The following SKA3 variants were observed in gnomAD, a reference collection of about 807,000 sequenced individuals.
SKA3 encodes the protein spindle and kinetochore associated complex subunit 3.
SKA3 carries 39 observed loss-of-function variants against 44.2 expected under a neutral mutation model. The ratio of observed to expected loss-of-function variants is 0.88; its 90% CI spans 0.68 to 1.15. SKA3 has a LOEUF of 1.15. Ranked by LOEUF, SKA3 falls within the 50% of genes most tolerant of loss-of-function variation. The pLI is 0.00. For synonymous variants in SKA3, 192 were observed against 172.0 expected, an observed-to-expected ratio of 1.12 and a Z score of -0.91; for missense variants, 511 against 485.8, an observed-to-expected ratio of 1.05 and a Z score of -0.49.
At chr13:21,159,261 G>A (rs1870303413) in intron 6 of SKA3, among the ~76,000 whole-genome samples, 1 of 152,086 alleles carries the variant, frequency 6.6e-6, no homozygotes. Context: ...TATAGCATTG[G>A]TTAAGTGACC....
chr13:21,167,541 C>T (rs1221391113), intron 4 of SKA3, among the ~76,000 whole-genome samples: 1 of 151,976 alleles, frequency 6.6e-6, no homozygotes, highest in East Asian at 1.9e-4. Context: ...CCCAGGCGGG[C>T]GGATCATGAG....
intron 1 of SKA3, among the ~76,000 whole-genome samples, chr13:21,173,625 CA>C (rs60622200): frequency 0.9 from 137,309 of 152,228 alleles, 62,475 homozygotes; most frequent in East Asian, 1. Context: ...TGGACTCAAA[CA>C]ATATGTACTC....
intron 4 of SKA3, among the ~76,000 whole-genome samples, chr13:21,167,641 C>A (rs1870783736): frequency 6.6e-6 from 1 of 151,948 alleles, no homozygotes; most frequent in South Asian, 2.1e-4. Flanking sequence ...GTGGCTGGCG[C>A]CTGTATTCCC....
At chr13:21,167,235 T>C (rs570237856) in intron 4 of SKA3, among the ~76,000 whole-genome samples, 1 of 152,330 alleles carries the variant, frequency 6.6e-6, no homozygotes, top group African/African-American at 2.4e-5. Flanking sequence ...AAACAGAAAC[T>C]TGGGGTTTAT....
chr13:21,156,714 T>A (rs934269403), intron 7 of SKA3, among the ~76,000 whole-genome samples: 8 of 152,250 alleles, frequency 5.3e-5, no homozygotes, highest in Admixed American at 4.6e-4. Context: ...AAGTGATTTA[T>A]CCTTCTCATG....
At position 21,168,327 on chromosome 13, in the gene SKA3, T is replaced by C. The variant is rs1219367812; in HGVS notation, c.404A>G (p.Lys135Arg). 4.3e-6 allele frequency: 7 copies of C among 1,613,976 alleles called. No individual in the cohort carries two copies. In the African/African-American group the frequency reaches 9.3e-5, roughly 22 times the overall value. The stretch of plus-strand genomic sequence containing the variant: ...AACAGGAGGATCAGACAGATCATCT[T>C]TCACATCAGTCTTCTGAAAATTTTC... The part of the protein sequence containing the change: ...NCENFQKTDV[K>R]DDLSDPPVAS... The change falls in exon 4 of 9, where the codon AAA (lysine) becomes AGA (arginine). Residue 135 changes from lysine to arginine, a missense_variant. Lys to Arg is a conservative substitution (Grantham distance 26, BLOSUM62 2). Coordinates refer to ENST00000314759, the MANE Select transcript of SKA3 (RefSeq NM_145061.6).
chr13:21,160,742 G>A (rs879770695), intron 5 of SKA3, among the ~76,000 whole-genome samples: 2 of 152,074 alleles, frequency 1.3e-5, no homozygotes, highest in African/African-American at 2.4e-5. Context: ...TGAGAAACAC[G>A]CATATGCACA....
intron 8 of SKA3, among the ~76,000 whole-genome samples, chr13:21,155,457 AGTGCAGTGG>A (rs1438813444): frequency 4.7e-5 from 7 of 148,888 alleles, no homozygotes; most frequent in Non-Finnish European, 8.9e-5. Flanking sequence ...GCCAGGCTGG[AGTGCAGTGG>A]CATGATCTTG....
chr13:21,172,662 C>T lies in SKA3; in HGVS notation c.123G>A (p.Met41Ile), dbSNP rs1261575689. ...CTGAATGAAGGTCATATAAAATTCT[C>T]ATTGGATAATCTTCAAAGTCTTCAA... is the stretch of plus-strand genomic sequence containing the variant. The part of the protein sequence containing the change: ...GEESDFEDYP[M>I]RILYDLHSEV... The change falls in exon 2 of 9, where the codon ATG becomes ATA. Residue 41 changes from methionine to isoleucine, a missense_variant. Coordinates refer to ENST00000314759, the MANE Select transcript of SKA3 (RefSeq NM_145061.6). 5.1e-6 allele frequency: 8 copies of T among 1,580,068 alleles called. No individual in the cohort carries two copies. The African/African-American group carries it at 6.8e-5, about 13-fold the overall frequency.
In SKA3 at chr13:21,155,150, T is replaced by C. The variant is rs1595294765; in HGVS notation, c.1239A>G (p.Ter413TrpextTer11). ...TGTGTTGGATAGATCCACTGGAATT[T>C]CTGCAACAGATACAAATAACAAATA... ...NIRDVSNKEN[*>W] is the part of the protein sequence containing the mutation. Residue 413 changes from the stop codon to tryptophan (W), a stop_lost and splice_region_variant, in exon 9 of 9, where the codon TGA becomes TGG. Transcript: ENST00000314759. The C allele has an allele frequency of 3.7e-6, 6 of 1,611,288 alleles. No homozygotes were observed. The East Asian group carries it at 1.3e-4, about 36-fold the overall frequency.
chr13:21,175,840 AAC>A (rs968461643), intron 1 of SKA3, among the ~76,000 whole-genome samples: 6 of 152,150 alleles, frequency 3.9e-5, no homozygotes, highest in African/African-American at 4.8e-5. Context: ...TAGCGGGAAA[AAC>A]ACAGAGGTTT....
intron 1 of SKA3, among the ~76,000 whole-genome samples, chr13:21,176,030 T>G (rs1445146114): frequency 6.6e-6 from 1 of 152,222 alleles, no homozygotes; most frequent in Non-Finnish European, 1.5e-5. Context: ...GTATATGTAT[T>G]ATGAGCTCAA....
At chr13:21,173,144 A>T (rs1871166207) in intron 1 of SKA3, among the ~76,000 whole-genome samples, 1 of 143,412 alleles carries the variant, frequency 7.0e-6, no homozygotes, top group Non-Finnish European at 1.5e-5. Flanking sequence ...TAAAATGAGC[A>T]TACCTGCACA....
Position 21,154,999 on chromosome 13 carries a change from C to G in SKA3, c.*151G>C. 7.8e-7 allele frequency: 1 copy of G among 1,276,754 alleles called. No homozygotes were observed. The highest frequency in any genetic ancestry group is 1.5e-5 in the African/African-American group (1 of 65,904). The allele number at this position is 1,276,754 out of a possible 1,614,324, so 79.1% of individuals were successfully genotyped here. A position where few individuals can be genotyped will look rare whatever the true frequency, so the allele number is the denominator to read the frequency against. On this transcript the variant is annotated 3_prime_UTR_variant, in exon 9 of 9. Transcript: ENST00000314759. ...AACCTTATTGAAACTTCATAAAAAG[C>G]ATATTATGATGTTAATGTTCATGTT...
chr13:21,176,287 G>T, intron 1 of SKA3, 88 bp downstream of exon 1: 1 of 1,030,388 alleles, frequency 9.7e-7, no homozygotes, highest in Non-Finnish European at 1.3e-6. Flanking sequence ...GTGCCTGGCG[G>T]TTCCCGTGGG....
Position 21,172,449 on chromosome 13 carries a change from T to C in SKA3, c.221A>G (p.Asp74Gly). 6.3e-7 allele frequency: 1 copy of C among 1,592,054 alleles called. No homozygotes were observed. Among genetic ancestry groups the C allele is most frequent in the Admixed American group, 1.9e-5 (1 of 53,402 alleles). Reference protein sequence around the residue: ...KARLENQEGIDFIKATKVLME... With the variant: ...KARLENQEGIGFIKATKVLME... ...TAGTACTTTTGTTGCCTTTATGAAA[T>C]CAATGCCTTCTTGATTTTCCAATCT... Residue 74 changes from aspartate to glycine, a missense_variant, in exon 3 of 9, where the codon GAT (aspartate) becomes GGT (glycine). Physicochemically the swap from Asp to Gly is moderately conservative, Grantham distance 94 (BLOSUM62 -1). Transcript: ENST00000314759.
At chr13:21,174,016 A>G (rs550935427) in intron 1 of SKA3, among the ~76,000 whole-genome samples, 1 of 152,368 alleles carries the variant, frequency 6.6e-6, no homozygotes, top group Non-Finnish European at 1.5e-5. Flanking sequence ...CATCAGAGAA[A>G]TGCAAATCAA....
At position 21,155,769 on chromosome 13, in the gene SKA3, T is replaced by C. The variant is rs531587194; in HGVS notation, c.1162A>G (p.Ile388Val). 46 of 1,611,122 alleles carry C rather than the reference T, an allele frequency of 2.9e-5. No homozygotes were observed. In the East Asian group the frequency reaches 6.9e-4, roughly 24 times the overall value. The change falls in exon 8 of 9, where the codon ATT (isoleucine) becomes GTT (valine). Residue 388 changes from isoleucine (I) to valine (V), a missense_variant. Physicochemically the swap from Ile to Val is conservative, Grantham distance 29. Transcript: ENST00000314759. ...YNSNLATPIA[I>V]KAVPPSKRFL... ...CTTTTACTGGGTGGCACTGCTTTAA[T>C]TGCTATTGGAGTAGCTAGGTTTGAG...
intron 7 of SKA3, 57 bp downstream of exon 7, chr13:21,157,865 A>G: frequency 9.2e-6 from 10 of 1,091,498 alleles, no homozygotes; most frequent in Non-Finnish European, 1.2e-5. Flanking sequence ...GTCTTTAAAT[A>G]TTTCATATTG....
Sources: allele counts gnomAD v4.1 joint callset (sites outside exome capture counted in the v4.1 genomes callset), GRCh38; gene constraint gnomAD v4.1.1; transcripts MANE v1.5; gene names NCBI Gene and HGNC (gene_info 2026-07-23, HGNC 2026-07-21).